Variants in EDEM3 observed in about 807,000 individuals in gnomAD.
EDEM3 encodes the protein ER degradation enhancing alpha-mannosidase like protein 3.
In EDEM3, 60 loss-of-function variants were observed where a neutral mutation model predicts 110.2. The observed-to-expected ratio is 0.54, with a 90% CI of 0.44 to 0.67. The LOEUF is 0.67. Ranked by LOEUF, EDEM3 falls within the 30% of genes least tolerant of loss-of-function variation. EDEM3 has a pLI of 0.00. For synonymous variants in EDEM3, 352 were observed against 382.9 expected (o/e 0.92, Z 0.94); for missense variants, 996 against 1,121.0 (o/e 0.89, Z 1.59).
chr1:184,736,593 C>T (rs1390259443), intron 4 of EDEM3, among the ~76,000 whole-genome samples: 1 of 152,048 alleles, frequency 6.6e-6, no homozygotes, highest in Non-Finnish European at 1.5e-5. Flanking sequence ...AAGTGATCAC[C>T]TGATGCTAAA....
chr1:184,704,932 T>C (rs1649833672), intron 18 of EDEM3, among the ~76,000 whole-genome samples: 1 of 151,792 alleles, frequency 6.6e-6, no homozygotes, highest in Admixed American at 6.6e-5. Flanking sequence ...TAGCCAGGCG[T>C]GGTGGCAGGC....
At chr1:184,722,379 C>T (rs989081601) in intron 8 of EDEM3, among the ~76,000 whole-genome samples, 1 of 152,040 alleles carries the variant, frequency 6.6e-6, no homozygotes, top group African/African-American at 2.4e-5. Flanking sequence ...ATTTAATTCA[C>T]AGATGTAGGA....
At chr1:184,753,216 TTTAAAAAAAACATGGGATGATACTATAC>T (rs1488053784) in intron 1 of EDEM3, among the ~76,000 whole-genome samples, 1 of 152,078 alleles carries the variant, frequency 6.6e-6, no homozygotes, top group Non-Finnish European at 1.5e-5. Flanking sequence ...TTTTTTCTTT[TTTAAAAAAAACATGGGATGATACTATAC>T]ATATTATTCT....
At chr1:184,698,192 C>T (rs1649428548) in intron 19 of EDEM3, among the ~76,000 whole-genome samples, 1 of 151,660 alleles carries the variant, frequency 6.6e-6, no homozygotes, top group African/African-American at 2.4e-5. Flanking sequence ...TGAATTGCTA[C>T]AACCTTTTTT....
At chr1:184,707,139 A>C (rs1649972683) in intron 17 of EDEM3, among the ~76,000 whole-genome samples, 1 of 152,204 alleles carries the variant, frequency 6.6e-6, no homozygotes, top group African/African-American at 2.4e-5. Flanking sequence ...ATTTGCTCAC[A>C]ATGTTAACAC....
At chr1:184,752,696 T>G (rs564512472) in intron 1 of EDEM3, among the ~76,000 whole-genome samples, 1 of 152,308 alleles carries the variant, frequency 6.6e-6, no homozygotes, top group South Asian at 2.1e-4. Context: ...CAAATAAGAT[T>G]CTTGTGGTTC....
chr1:184,701,898 A>C (rs1470210266), intron 19 of EDEM3, among the ~76,000 whole-genome samples: 1 of 152,088 alleles, frequency 6.6e-6, no homozygotes, highest in East Asian at 1.9e-4. Flanking sequence ...TTATCACCGA[A>C]CATTTTTTTT....
At chr1:184,702,770 T>C in intron 19 of EDEM3, 41 bp downstream of exon 19, 3 of 1,415,898 alleles carry the variant, frequency 2.1e-6, no homozygotes, top group South Asian at 1.8e-5. Flanking sequence ...GCAAAATTAA[T>C]ATTACGCTGC....
At chr1:184,717,946 A>G (rs1367116943) in intron 11 of EDEM3, among the ~76,000 whole-genome samples, 1 of 151,846 alleles carries the variant, frequency 6.6e-6, no homozygotes, top group Non-Finnish European at 1.5e-5. Flanking sequence ...CCTTCCCTCT[A>G]CTTTTTCCTC....
At position 184,754,729 on chromosome 1, in the gene EDEM3, A is replaced by G; in HGVS notation, c.-83T>C. On this transcript the variant is annotated 5_prime_UTR_variant, in exon 1 of 20. Transcript: ENST00000318130. ...GGACGCTGGTGGCCAGGGGGCTGCTAGCCGTGCCGAGACGGGGCGGGATGC... is the reference window on the plus strand; with the variant it reads ...GGACGCTGGTGGCCAGGGGGCTGCTGGCCGTGCCGAGACGGGGCGGGATGC... 7.0e-7 allele frequency: 1 copy of G among 1,426,748 alleles called. No individual in the cohort carries two copies. The allele number at this position is 1,426,748 out of a possible 1,614,324, so 88.4% of individuals were successfully genotyped here.
intron 2 of EDEM3, among the ~76,000 whole-genome samples, chr1:184,742,299 A>G (rs926249785): frequency 6.6e-6 from 1 of 152,210 alleles, no homozygotes; most frequent in Non-Finnish European, 1.5e-5. Context: ...TAGGCAACAC[A>G]TGTTTTGATA....
At chr1:184,709,227 G>C (rs557641100) in intron 16 of EDEM3, among the ~76,000 whole-genome samples, 1 of 152,134 alleles carries the variant, frequency 6.6e-6, no homozygotes, top group Non-Finnish European at 1.5e-5. Flanking sequence ...GATAATTCAA[G>C]TTTGGACAGA....
At position 184,694,134 on chromosome 1, in the gene EDEM3, T is replaced by C. The variant is rs746368202; in HGVS notation, c.2728A>G (p.Ile910Val). The C allele has an allele frequency of 1.2e-6, 2 of 1,613,438 alleles. No individual in the cohort carries two copies. The highest frequency in any genetic ancestry group is 1.7e-5 in the Admixed American group (1 of 59,892). Residue 910 changes from isoleucine to valine, a missense_variant, in exon 20 of 20, where the codon ATA becomes GTA. Physicochemically the swap from Ile to Val is conservative, Grantham distance 29. This residue lies in a region of EDEM3 where 345 missense variants were observed against 402.0 expected (regional missense o/e 0.86). Transcript: ENST00000318130. The part of the protein sequence containing the change: ...NVSWGKKVQP[I>V]DSILADWNED... ...TTCCAGTCTGCTAATATGGAGTCTA[T>C]AGGCTGGACCTTTTTACCCCAGCTA...
rs33939977 is a variant in EDEM3 at position 184,692,798 on chromosome 1, A to AGGGG, written c.*1261_*1264dup. On this transcript the variant is annotated 3_prime_UTR_variant, in exon 20 of 20. Coordinates refer to ENST00000318130, the MANE Select transcript of EDEM3 (RefSeq NM_025191.4). ...CAACAACAACAAACCAAAAAAAAAA[A>AGGGG]GGGGGGGGGTGGAAGTCTCATTAAG... The AGGGG allele has an allele frequency of 6.1e-5, 8 of 131,840 alleles. No homozygotes were observed. The highest frequency in any genetic ancestry group is 2.2e-4 in the African/African-American group (8 of 36,784). The allele number at this position is 131,840 out of a possible 1,614,324, so 8.2% of individuals were successfully genotyped here. A position where few individuals can be genotyped will look rare whatever the true frequency, so the allele number is the denominator to read the frequency against.
In EDEM3 at chr1:184,706,679, T is replaced by G. The variant is rs1315670517; in HGVS notation, c.2167A>C (p.Ile723Leu). 6.2e-7 allele frequency: 1 copy of G among 1,613,476 alleles called. No individual in the cohort carries two copies. The highest frequency in any genetic ancestry group is 8.5e-7 in the Non-Finnish European group (1 of 1,179,590). ...QCMFAEKARNIQNAGAIGGIV... is the reference protein window; with the variant it reads ...QCMFAEKARNLQNAGAIGGIV... ...CCACCAATGGCTCCAGCATTCTGGA[T>G]GTTGCGTGCCTTTTCTGCAAACATG... The change falls in exon 18 of 20, where the codon ATC (isoleucine) becomes CTC (leucine). Residue 723 changes from isoleucine to leucine, a missense_variant. This residue lies in a region of EDEM3 where 345 missense variants were observed against 402.0 expected (regional missense o/e 0.86). Coordinates refer to ENST00000318130, the MANE Select transcript of EDEM3 (RefSeq NM_025191.4).
In EDEM3 at chr1:184,733,111, A is replaced by T. The variant is rs549292185; in HGVS notation, c.459-121T>A. On this transcript the variant is annotated intron_variant, in intron 5 of 19. Coordinates refer to ENST00000318130, the MANE Select transcript of EDEM3 (RefSeq NM_025191.4). ...ATTTAAGGAAAGACAAAAATTACTT[A>T]AACATTATTTACTTAACACTGCTCA... The T allele has an allele frequency of 2.5e-5, 26 of 1,025,066 alleles. 1 individual carries two copies. In the South Asian group the frequency reaches 4.8e-4, roughly 19 times the overall value. 63.5% of individuals were successfully genotyped at this position (1,025,066 alleles called of 1,614,324 possible).
intron 9 of EDEM3, among the ~76,000 whole-genome samples, chr1:184,720,268 A>G (rs947307217): frequency 6.7e-6 from 1 of 149,368 alleles, no homozygotes; most frequent in African/African-American, 2.6e-5. Flanking sequence ...AACTTTTACT[A>G]ATTTTTTTTT....
intron 13 of EDEM3, among the ~76,000 whole-genome samples, chr1:184,715,645 C>T (rs1650506232): frequency 6.6e-6 from 1 of 152,098 alleles, no homozygotes; most frequent in African/African-American, 2.4e-5. Context: ...TTCTCTTTCC[C>T]TTGGTTTCTT....
rs542018955 is a variant in EDEM3 at position 184,693,582 on chromosome 1, AGT to A, written c.*479_*480del. Reference sequence around the variant, plus strand: ...CTTCATAACCACTTAGGTCACTTAGAGTGTTTTGTGAAGGCAGCATAATCAGA... The same window carrying A: ...CTTCATAACCACTTAGGTCACTTAGAGTTTTGTGAAGGCAGCATAATCAGA... On this transcript the variant is annotated 3_prime_UTR_variant, in exon 20 of 20. Transcript: ENST00000318130. 307 of 154,142 alleles carry A rather than the reference AGT, an allele frequency of 2.0e-3. 1 individual carries two copies. The highest frequency in any genetic ancestry group is 7.0e-3 in the African/African-American group (291 of 41,598). The allele number at this position is 154,142 out of a possible 1,614,324, so 9.5% of individuals were successfully genotyped here.
Sources: gnomAD v4.1 joint callset for allele counts (sites outside exome capture counted in the v4.1 genomes callset) on GRCh38, gnomAD v4.1.1 for gene constraint, gnomAD v4.1.1 regional missense constraint, MANE v1.5 for transcripts, NCBI Gene and HGNC (gene_info 2026-07-23, HGNC 2026-07-21) for gene names.